The following PTPRD variants were observed in gnomAD, a reference collection of about 807,000 sequenced individuals.
PTPRD encodes receptor-type tyrosine-protein phosphatase delta.
In PTPRD, 34 loss-of-function variants were observed where a neutral mutation model predicts 214.5. The ratio of observed to expected loss-of-function variants is 0.16; its 90% CI spans 0.12 to 0.21. The LOEUF (loss-of-function observed/expected upper bound fraction) is 0.21. Ranked by LOEUF, PTPRD falls within the 10% of genes least tolerant of loss-of-function variation. The pLI, the probability that PTPRD is intolerant of heterozygous loss-of-function variation, is 1.00. For missense variants in PTPRD, 2,545 were observed against 2,398.7 expected (o/e 1.06, Z -1.27); for synonymous variants, 1,128 against 845.7 (o/e 1.33, Z -5.79).
intron 3 of PTPRD, among the ~76,000 whole-genome samples, chr9:10,230,202 C>A (rs1305117914): frequency 6.6e-6 from 1 of 152,008 alleles, no homozygotes; most frequent in Non-Finnish European, 1.5e-5. Flanking sequence ...CCCTCCCTTG[C>A]AGTCCTTGGA....
At chr9:8,752,779 A>G (rs939914288) in intron 11 of PTPRD, among the ~76,000 whole-genome samples, 1 of 152,046 alleles carries the variant, frequency 6.6e-6, no homozygotes, top group African/African-American at 2.4e-5. Flanking sequence ...AGTAAGTCCA[A>G]TCATGATCAT....
intron 2 of PTPRD, among the ~76,000 whole-genome samples, chr9:10,556,288 G>C (rs833414): frequency 1.3e-5 from 2 of 151,776 alleles, no homozygotes; most frequent in African/African-American, 4.8e-5. Flanking sequence ...AAAATAATTC[G>C]AAATTTTACA....
chr9:9,151,861 C>A (rs1368253814), intron 10 of PTPRD, among the ~76,000 whole-genome samples: 1 of 152,156 alleles, frequency 6.6e-6, no homozygotes, highest in East Asian at 1.9e-4. Flanking sequence ...TAGGTGATAG[C>A]ACCCACTGTG....
intron 3 of PTPRD, among the ~76,000 whole-genome samples, chr9:10,144,149 A>G (rs1382994906): frequency 2.6e-5 from 4 of 152,156 alleles, no homozygotes; most frequent in Non-Finnish European, 5.9e-5. Context: ...AATGTATTAT[A>G]TTGTCAACAT....
chr9:9,489,819 G>T (rs1405220381), intron 8 of PTPRD, among the ~76,000 whole-genome samples: 1 of 140,632 alleles, frequency 7.1e-6, no homozygotes, highest in Non-Finnish European at 1.6e-5. Context: ...GAAGAAGGAA[G>T]AAAAAAGATG....
In PTPRD at chr9:10,041,237, T is replaced by C. The variant is rs868598592; in HGVS notation, c.-544-7447A>G. ...AATTTGTCATTTGAGACATGTGTAG[T>C]TGTATATTGAGGTAGTTTGAAATTA... On this transcript the variant is annotated intron_variant, in intron 3 of 45. Coordinates refer to ENST00000381196, the MANE Select transcript of PTPRD (RefSeq NM_002839.4). Among the ~76,000 whole-genome samples, 6 of 151,984 alleles carry C rather than the reference T, an allele frequency of 3.9e-5. No homozygotes were observed. In the South Asian group the frequency reaches 1.0e-3, roughly 26 times the overall value.
intron 7 of PTPRD, among the ~76,000 whole-genome samples, chr9:9,626,142 G>A (rs141768341): frequency 6.6e-6 from 1 of 152,272 alleles, no homozygotes; most frequent in Non-Finnish European, 1.5e-5. Context: ...AGTTCAAAAT[G>A]AGAAAATATC....
At chr9:10,508,709 A>G (rs1362831610) in intron 2 of PTPRD, among the ~76,000 whole-genome samples, 2 of 151,936 alleles carry the variant, frequency 1.3e-5, no homozygotes, top group African/African-American at 4.8e-5. Flanking sequence ...AAAAACAAAC[A>G]CCGCATGTTC....
intron 3 of PTPRD, among the ~76,000 whole-genome samples, chr9:10,090,347 A>C (rs1401397525): frequency 1.3e-5 from 2 of 151,546 alleles, no homozygotes; most frequent in Non-Finnish European, 3.0e-5. Flanking sequence ...CATTCAGTAG[A>C]ATTTGATCAT....
chr9:9,171,576 G>A (rs2099918205), intron 10 of PTPRD, among the ~76,000 whole-genome samples: 1 of 151,926 alleles, frequency 6.6e-6, no homozygotes, highest in Non-Finnish European at 1.5e-5. Flanking sequence ...AAACAATCAT[G>A]AATACGTGGA....
intron 7 of PTPRD, among the ~76,000 whole-genome samples, chr9:9,676,412 T>A (rs1277497502): frequency 1.3e-5 from 2 of 151,928 alleles, no homozygotes; most frequent in Non-Finnish European, 2.9e-5. Context: ...TTGCTGAGAA[T>A]GATGGTTTCC....
intron 8 of PTPRD, among the ~76,000 whole-genome samples, chr9:9,438,683 G>C (rs1367603300): frequency 2.0e-5 from 3 of 152,084 alleles, no homozygotes; most frequent in African/African-American, 4.8e-5. Context: ...TTATGAATTA[G>C]TATTTAAAAA....
chr9:8,802,450 C>G (rs1462875888), intron 11 of PTPRD, among the ~76,000 whole-genome samples: 1 of 152,138 alleles, frequency 6.6e-6, no homozygotes, highest in African/African-American at 2.4e-5. Flanking sequence ...AATGACGCTC[C>G]CTGCCCTAAA....
At chr9:9,355,287 T>C (rs1391105542) in intron 9 of PTPRD, among the ~76,000 whole-genome samples, 2 of 151,716 alleles carry the variant, frequency 1.3e-5, no homozygotes, top group Non-Finnish European at 2.9e-5. Context: ...GAATGAATTA[T>C]AATGGTACAA....
Position 8,795,842 on chromosome 9 carries a change from GT to G in PTPRD, c.-103-61897del, listed in dbSNP as rs376602372. Among the ~76,000 whole-genome samples, 5 of 152,048 alleles carry G rather than the reference GT, an allele frequency of 3.3e-5. No homozygotes were observed. In the East Asian group the frequency reaches 5.8e-4, roughly 18 times the overall value. On this transcript the variant is annotated intron_variant, in intron 11 of 45. Coordinates refer to ENST00000381196, the MANE Select transcript of PTPRD (RefSeq NM_002839.4). ...TAAGATCTAGAGGAGAAGATTATTTGTTAATATACTCTCATTTTGAAAAATA... is the reference window on the plus strand; with the variant it reads ...TAAGATCTAGAGGAGAAGATTATTTGTAATATACTCTCATTTTGAAAAATA...
intron 2 of PTPRD, among the ~76,000 whole-genome samples, chr9:10,452,438 C>T (rs1383960360): frequency 6.6e-6 from 1 of 151,706 alleles, no homozygotes; most frequent in Non-Finnish European, 1.5e-5. Context: ...TACATTCCCA[C>T]CAACAGTAGA....
chr9:10,344,362 G>A (rs1329894506), intron 2 of PTPRD, among the ~76,000 whole-genome samples: 2 of 151,952 alleles, frequency 1.3e-5, no homozygotes, highest in Admixed American at 6.6e-5. Flanking sequence ...TATTTCTGAG[G>A]CCTCTGTTCT....
chr9:9,308,749 G>C (rs1229254553), intron 9 of PTPRD, among the ~76,000 whole-genome samples: 2 of 152,052 alleles, frequency 1.3e-5, no homozygotes, highest in Non-Finnish European at 2.9e-5. Flanking sequence ...TGGATATTTT[G>C]ATACAATTTA....
Position 9,949,038 on chromosome 9 carries a change from G to A in PTPRD, c.-471-10428C>T, listed in dbSNP as rs1295728569. ...GTGGGATAAAGGGTGAAGAATACGAGAAAACAAGATGTAGAGCAAAAATTA... is the reference window on the plus strand; with the variant it reads ...GTGGGATAAAGGGTGAAGAATACGAAAAAACAAGATGTAGAGCAAAAATTA... On this transcript the variant is annotated intron_variant, in intron 4 of 45. Transcript: ENST00000381196. Among the ~76,000 whole-genome samples, 6 of 152,074 alleles carry A rather than the reference G, an allele frequency of 3.9e-5. No individual in the cohort carries two copies. The East Asian group carries it at 1.2e-3, about 29-fold the overall frequency.
Sources: allele counts gnomAD v4.1 joint callset (sites outside exome capture counted in the v4.1 genomes callset), GRCh38; gene constraint gnomAD v4.1.1; transcripts MANE v1.5; gene names NCBI Gene and HGNC (gene_info 2026-07-23, HGNC 2026-07-21).